PPP1R42: variants seen among roughly 807,000 people sequenced by gnomAD.
The protein encoded by PPP1R42 is leucine rich repeat containing 67.
A neutral mutation model predicts 31.0 loss-of-function variants in PPP1R42; 34 were observed. That is an observed-to-expected ratio of 1.10 (90% CI 0.83 to 1.46). The LOEUF is 1.46. Ranked by LOEUF, PPP1R42 falls within the 40% of genes most tolerant of loss-of-function variation. The pLI, the probability that PPP1R42 is intolerant of heterozygous loss-of-function variation, is 0.00. For synonymous variants in PPP1R42, 103 were observed against 109.8 expected, an observed-to-expected ratio of 0.94 and a Z score of 0.39; for missense variants, 268 against 303.0, an observed-to-expected ratio of 0.88 and a Z score of 0.86.
At chr8:66,999,621 G>T (rs1170399635) in intron 5 of PPP1R42, among the ~76,000 whole-genome samples, 1 of 152,088 alleles carries the variant, frequency 6.6e-6, no homozygotes, top group East Asian at 1.9e-4. Context: ...AAGTGCTAGG[G>T]TTACAGGCAT....
At chr8:66,995,761 A>G (rs975566389) in intron 5 of PPP1R42, among the ~76,000 whole-genome samples, 3 of 152,266 alleles carry the variant, frequency 2.0e-5, no homozygotes, top group Non-Finnish European at 4.4e-5. Flanking sequence ...CAGTTAAAAT[A>G]TCAAATAAGA....
chr8:67,019,229 A>G (rs888424844), intron 1 of PPP1R42, among the ~76,000 whole-genome samples: 1 of 127,830 alleles, frequency 7.8e-6, no homozygotes, highest in Admixed American at 8.0e-5. Flanking sequence ...CGCCTGGTTT[A>G]TGAGCATCTT....
At chr8:66,968,613 C>A (rs966205348) in intron 7 of PPP1R42, 3 of 309,380 alleles carry the variant, frequency 9.7e-6, no homozygotes, top group African/African-American at 6.8e-5. Context: ...TTGTTTTTAA[C>A]ACTTTACTGA....
intron 5 of PPP1R42, among the ~76,000 whole-genome samples, chr8:67,006,074 G>A (rs957869389): frequency 6.6e-6 from 1 of 152,120 alleles, no homozygotes; most frequent in African/African-American, 2.4e-5. Context: ...TAGAAACTAA[G>A]CTAGGCACTG....
At chr8:67,008,559 T>C (rs1052706335) in intron 5 of PPP1R42, among the ~76,000 whole-genome samples, 3 of 151,862 alleles carry the variant, frequency 2.0e-5, no homozygotes, top group African/African-American at 4.8e-5. Context: ...AATACAAAAA[T>C]TAGCTGGGCG....
At chr8:67,023,569 A>G (rs1563436146) in intron 1 of PPP1R42, among the ~76,000 whole-genome samples, 2 of 152,194 alleles carry the variant, frequency 1.3e-5, no homozygotes. Flanking sequence ...GGACACATTA[A>G]TTTTATTTTA....
intron 4 of PPP1R42, 39 bp from the exon 5 acceptor site, chr8:67,010,870 C>T (rs1181056958): frequency 1.3e-6 from 2 of 1,512,582 alleles, no homozygotes; most frequent in African/African-American, 1.4e-5. Flanking sequence ...AGTAAATAGT[C>T]TAAATACTGT....
At chr8:66,980,888 G>A (rs540289993) in intron 7 of PPP1R42, among the ~76,000 whole-genome samples, 1 of 151,912 alleles carries the variant, frequency 6.6e-6, no homozygotes, top group Non-Finnish European at 1.5e-5. Flanking sequence ...TGTCGCCCAG[G>A]CTGGAGTGCA....
intron 1 of PPP1R42, among the ~76,000 whole-genome samples, chr8:67,020,151 C>T (rs770246203): frequency 7.2e-5 from 11 of 152,114 alleles, no homozygotes. Context: ...CCATAATCCA[C>T]AAAGAGGCAA....
At chr8:66,991,555 G>C (rs1029939367) in intron 5 of PPP1R42, among the ~76,000 whole-genome samples, 4 of 152,130 alleles carry the variant, frequency 2.6e-5, no homozygotes, top group Non-Finnish European at 5.9e-5. Flanking sequence ...TTTTACTGGG[G>C]AGAAGTGGGT....
At position 67,025,681 on chromosome 8, in the gene PPP1R42, C is replaced by T. The variant is rs1233482740; in HGVS notation, c.-85+2810G>A. On this transcript the variant is annotated intron_variant, in intron 1 of 7. Coordinates refer to ENST00000685739, the MANE Select transcript of PPP1R42 (RefSeq NM_001364910.1). ...CATAAGAAATGGAGACCCAAAGACG[C>T]AGAGTTGTATACTTGCATACTAAGT... is the stretch of plus-strand genomic sequence containing the variant. 3.3e-5 allele frequency among the ~76,000 whole-genome samples: 5 copies of T among 152,010 alleles called. No individual in the cohort carries two copies. In the East Asian group the frequency reaches 9.7e-4, roughly 29 times the overall value.
chr8:66,979,229 T>C (rs748473340), intron 7 of PPP1R42, among the ~76,000 whole-genome samples: 19 of 152,212 alleles, frequency 1.2e-4, no homozygotes, highest in Non-Finnish European at 2.5e-4. Context: ...GATTTTTGCT[T>C]AGGGTGATAG....
chr8:67,015,410 T>C (rs532228054), intron 2 of PPP1R42, among the ~76,000 whole-genome samples: 2 of 152,174 alleles, frequency 1.3e-5, no homozygotes, highest in South Asian at 4.1e-4. Context: ...CAATATCTAA[T>C]ACATAGTTAA....
chr8:66,985,687 A>G, intron 6 of PPP1R42: 1 of 1,317,030 alleles, frequency 7.6e-7, no homozygotes. Context: ...GCCAATTGGA[A>G]GTTGCTCTGG....
intron 1 of PPP1R42, among the ~76,000 whole-genome samples, chr8:67,025,431 T>A (rs1351007671): frequency 2.0e-5 from 3 of 152,112 alleles, no homozygotes; most frequent in Non-Finnish European, 4.4e-5. Flanking sequence ...AGTTTTTACT[T>A]CAGGCTCTGT....
At position 67,020,174 on chromosome 8, in the gene PPP1R42, TTTTTTGTTGTGTTTTG is replaced by T. The variant is rs138553880; in HGVS notation, c.-84-2359_-84-2344del. Among the ~76,000 whole-genome samples, 1,219 of 151,962 alleles carry T rather than the reference TTTTTTGTTGTGTTTTG, an allele frequency of 8.0e-3. 16 individuals carry two copies. The highest frequency in any genetic ancestry group is 0.028 in the African/African-American group (1,154 of 41,462). ...CACAAAGAGGCAACATAATCCAGGGTTTTTTGTTGTGTTTTGTTTTTGTTGTTGTTGTTGTTGTTTT... is the reference window on the plus strand; with the variant it reads ...CACAAAGAGGCAACATAATCCAGGGTTTTTTGTTGTTGTTGTTGTTGTTTT... On this transcript the variant is annotated intron_variant, in intron 1 of 7. Coordinates refer to ENST00000685739, the MANE Select transcript of PPP1R42 (RefSeq NM_001364910.1).
At chr8:66,967,085 T>C (rs1814404325) in intron 7 of PPP1R42, among the ~76,000 whole-genome samples, 2 of 152,162 alleles carry the variant, frequency 1.3e-5, no homozygotes, top group Admixed American at 6.5e-5. Flanking sequence ...CAAGCAATCC[T>C]CTCACCTTAG....
chr8:67,007,408 G>T (rs561748067), intron 5 of PPP1R42, among the ~76,000 whole-genome samples: 5 of 152,266 alleles, frequency 3.3e-5, no homozygotes, highest in African/African-American at 1.2e-4. Context: ...TGTCACCCAG[G>T]CTGGAGTGCA....
chr8:66,985,660 G>A (rs1044000773), intron 6 of PPP1R42: 1 of 1,337,514 alleles, frequency 7.5e-7, no homozygotes, highest in East Asian at 2.3e-5. Flanking sequence ...GGCACCCTGG[G>A]AGGGCTGAAT....
Sources: allele counts gnomAD v4.1 joint callset (sites outside exome capture counted in the v4.1 genomes callset), GRCh38; gene constraint gnomAD v4.1.1; transcripts MANE v1.5; gene names NCBI Gene and HGNC (gene_info 2026-07-23, HGNC 2026-07-21).